The following ANO1 variants were observed in gnomAD, a reference collection of about 807,000 sequenced individuals.
The protein encoded by ANO1 is anoctamin 1, also known as anoctamin-1.
Under a neutral mutation model 124.0 loss-of-function variants are expected in ANO1, and 59 were observed. The ratio of observed to expected loss-of-function variants is 0.48; its 90% CI spans 0.39 to 0.59. ANO1 has a LOEUF of 0.59. Among genes scored for constraint, ANO1 ranks in the 20% least tolerant of loss-of-function variants. The probability of loss-of-function intolerance (pLI) is 0.00; values close to 1 mark genes in which losing one functional copy is unlikely to be tolerated. For missense variants in ANO1, 1,059 were observed against 1,328.0 expected, an observed-to-expected ratio of 0.80 and a Z score of 3.15; for synonymous variants, 529 against 532.0, an observed-to-expected ratio of 0.99 and a Z score of 0.08.
chr11:70,143,753 A>T (rs1029467356), intron 11 of ANO1, among the ~76,000 whole-genome samples: 5 of 152,204 alleles, frequency 3.3e-5, no homozygotes, highest in Non-Finnish European at 7.3e-5. Flanking sequence ...TTCTCCTGTG[A>T]TTCCTCCAAG....
chr11:70,042,847 C>T (rs1208677473), intron 1 of ANO1, among the ~76,000 whole-genome samples: 8 of 152,082 alleles, frequency 5.3e-5, no homozygotes, highest in East Asian at 1.9e-4. Context: ...TGAATGGATT[C>T]GATGGATTCT....
intron 1 of ANO1, 78 bp from the exon 2 acceptor site, chr11:70,087,674 T>C: frequency 7.4e-7 from 1 of 1,345,958 alleles, no homozygotes; most frequent in Admixed American, 2.7e-5. Flanking sequence ...AGTGAGTGGA[T>C]GAAGGGAGCA....
chr11:70,087,630 G>A (rs1209949817), intron 1 of ANO1, 122 bp from the exon 2 acceptor site: 15 of 964,434 alleles, frequency 1.6e-5, no homozygotes, highest in Middle Eastern at 3.2e-4. Context: ...CGTGGAGGGC[G>A]CTCAGGGAGT....
chr11:70,088,955 G>T (rs80169240), intron 2 of ANO1, among the ~76,000 whole-genome samples: 1 of 152,160 alleles, frequency 6.6e-6, no homozygotes, highest in African/African-American at 2.4e-5. Context: ...AGAACAAAAG[G>T]TCGACCCCCC....
the ANO1 span, among the ~76,000 whole-genome samples, chr11:69,968,529 C>A: frequency 2.7e-3 from 408 of 152,348 alleles, 5 homozygotes; most frequent in Admixed American, 8.7e-3. Flanking sequence ...AAATGTTTAC[C>A]AAGGAGCCCT....
intron 1 of ANO1, among the ~76,000 whole-genome samples, chr11:70,007,624 G>A (rs1403050918): frequency 6.6e-6 from 1 of 152,152 alleles, no homozygotes; most frequent in Non-Finnish European, 1.5e-5. Context: ...TTGTATGGTA[G>A]ACCACATTTT....
At chr11:69,978,279 C>T in the ANO1 span, among the ~76,000 whole-genome samples, 48 of 152,156 alleles carry the variant, frequency 3.2e-4, 1 homozygote, top group Admixed American at 6.5e-5. Context: ...AGAGCACCTC[C>T]GAGAGGGCCC....
intron 24 of ANO1, among the ~76,000 whole-genome samples, chr11:70,185,018 C>T (rs2049058581): frequency 6.6e-6 from 1 of 152,202 alleles, no homozygotes; most frequent in Non-Finnish European, 1.5e-5. Context: ...CGAGCCACCA[C>T]ACCTGGCTAA....
intron 1 of ANO1, among the ~76,000 whole-genome samples, chr11:70,062,065 T>C (rs1857594398): frequency 7.5e-6 from 1 of 133,850 alleles, no homozygotes; most frequent in African/African-American, 2.6e-5. Flanking sequence ...CTTTCCTTCT[T>C]TCTTTTTTTT....
intron 1 of ANO1, among the ~76,000 whole-genome samples, chr11:69,995,228 C>A (rs1856246443): frequency 6.6e-6 from 1 of 151,584 alleles, no homozygotes; most frequent in Non-Finnish European, 1.5e-5. Context: ...GCCTCCCAAG[C>A]AGCTGGGACT....
rs375666290 is a variant in ANO1 at position 70,161,714 on chromosome 11, G to A, written c.1873G>A (p.Val625Met). The change falls in exon 18 of 26, where the codon GTG becomes ATG. Residue 625 changes from valine to methionine, a missense_variant. Coordinates refer to ENST00000355303, the MANE Select transcript of ANO1 (RefSeq NM_018043.7). ...GAATTCCTACACCCCCATCTTTTAC[G>A]TGGCGTTCTTCAAAGGCCGGTAGGG... The part of the protein sequence containing the change: ...FVNSYTPIFY[V>M]AFFKGRFVGR... The A allele has an allele frequency of 4.0e-5, 64 of 1,613,876 alleles. No homozygotes were observed. Among genetic ancestry groups the A allele is most frequent in the Non-Finnish European group, 4.9e-5 (58 of 1,179,890 alleles).
chr11:70,151,104 T>C (rs959504881), intron 12 of ANO1, among the ~76,000 whole-genome samples: 3 of 152,206 alleles, frequency 2.0e-5, no homozygotes, highest in African/African-American at 7.2e-5. Flanking sequence ...CCCAGGCAAA[T>C]TGCTTAACAT....
intron 10 of ANO1, among the ~76,000 whole-genome samples, chr11:70,130,692 A>T (rs1053644392): frequency 1.3e-5 from 2 of 152,228 alleles, no homozygotes; most frequent in Non-Finnish European, 2.9e-5. Flanking sequence ...TGGCCACAGT[A>T]GTTGGGATCT....
chr11:70,009,099 A>T (rs910626899), intron 1 of ANO1, among the ~76,000 whole-genome samples: 3 of 152,144 alleles, frequency 2.0e-5, no homozygotes, highest in Admixed American at 6.5e-5. Context: ...TCATCTGGAG[A>T]CAATGGAGTG....
intron 1 of ANO1, among the ~76,000 whole-genome samples, chr11:70,035,538 A>ATATATATATATATATATATATAT (rs1857079802): frequency 6.6e-6 from 1 of 151,294 alleles, no homozygotes; most frequent in African/African-American, 2.4e-5. Flanking sequence ...ATATATATAT[A>ATATATATATATATATATATATAT]CTTTAAGTTC....
chr11:70,099,187 G>A (rs1455064008), intron 2 of ANO1, among the ~76,000 whole-genome samples: 6 of 152,196 alleles, frequency 3.9e-5, no homozygotes, highest in Non-Finnish European at 8.8e-5. Context: ...TCCTCAGGGC[G>A]CTGGCTGGGG....
chr11:69,978,950 C>G, the ANO1 span, among the ~76,000 whole-genome samples: 1 of 152,204 alleles, frequency 6.6e-6, no homozygotes, highest in South Asian at 2.1e-4. Flanking sequence ...GCTGAAACAA[C>G]CAGGCTGTGT....
intron 1 of ANO1, among the ~76,000 whole-genome samples, chr11:70,024,412 G>A (rs1352329041): frequency 6.6e-5 from 10 of 152,180 alleles, no homozygotes; most frequent in Admixed American, 6.5e-4. Context: ...GAGGGAGTGA[G>A]TGCCGGGCAG....
chr11:70,068,821 C>A (rs1022831500), intron 1 of ANO1, among the ~76,000 whole-genome samples: 1 of 152,138 alleles, frequency 6.6e-6, no homozygotes, highest in Non-Finnish European at 1.5e-5. Flanking sequence ...GGAAAACTGT[C>A]CCCCTCTGTT....
Sources: allele counts gnomAD v4.1 joint callset (sites outside exome capture counted in the v4.1 genomes callset), GRCh38; gene constraint gnomAD v4.1.1; transcripts MANE v1.5; gene names NCBI Gene and HGNC (gene_info 2026-07-23, HGNC 2026-07-21).